CTNNA3: variants seen among roughly 807,000 people sequenced by gnomAD.
CTNNA3 encodes the protein catenin alpha-3.
Under a neutral mutation model 95.7 loss-of-function variants are expected in CTNNA3, and 76 were observed. That is an observed-to-expected ratio of 0.79 (90% CI 0.66 to 0.96). The LOEUF (loss-of-function observed/expected upper bound fraction) is 0.96, where lower values mean the gene tolerates loss of function less well. Among genes scored for constraint, CTNNA3 ranks in the 40% least tolerant of loss-of-function variants. CTNNA3 has a pLI of 0.00. For synonymous variants in CTNNA3, 431 were observed against 374.4 expected (o/e 1.15, Z -1.74); for missense variants, 1,191 against 1,089.8 (o/e 1.09, Z -1.31).
chr10:67,558,412 A>G (rs1841335581), intron 3 of CTNNA3, among the ~76,000 whole-genome samples: 1 of 152,198 alleles, frequency 6.6e-6, no homozygotes, highest in African/African-American at 2.4e-5. Flanking sequence ...TTTAATATCA[A>G]TTCTATTCTT....
chr10:67,387,930 C>T lies in CTNNA3; in HGVS notation c.579+133912G>A, dbSNP rs534388940. On this transcript the variant is annotated intron_variant, in intron 5 of 17. Coordinates refer to ENST00000433211, the MANE Select transcript of CTNNA3 (RefSeq NM_013266.4). ...TCTGTACATCACCATCATCAAAGAC[C>T]AAAAGTAGATAAAACCACAAAGATG... Among the ~76,000 whole-genome samples, 55 of 152,088 alleles carry T rather than the reference C, an allele frequency of 3.6e-4. No individual in the cohort carries two copies. In the East Asian group the frequency reaches 0.01, roughly 28 times the overall value.
chr10:66,848,790 T>A (rs1372881336), intron 7 of CTNNA3, among the ~76,000 whole-genome samples: 1 of 152,164 alleles, frequency 6.6e-6, no homozygotes, highest in Non-Finnish European at 1.5e-5. Context: ...TCGTGTGTCC[T>A]TGAGGAGTAT....
chr10:67,196,998 T>A (rs1863402776), intron 6 of CTNNA3, among the ~76,000 whole-genome samples: 1 of 152,152 alleles, frequency 6.6e-6, no homozygotes, highest in Non-Finnish European at 1.5e-5. Flanking sequence ...ACTTATTCTG[T>A]CTACATTGAA....
At chr10:66,967,680 A>T (rs1849510806) in intron 7 of CTNNA3, among the ~76,000 whole-genome samples, 1 of 152,126 alleles carries the variant, frequency 6.6e-6, no homozygotes, top group East Asian at 1.9e-4. Context: ...AAGAATTTTT[A>T]AAAATGAACG....
intron 9 of CTNNA3, among the ~76,000 whole-genome samples, chr10:66,647,901 T>A (rs1366591020): frequency 6.6e-6 from 1 of 152,122 alleles, no homozygotes; most frequent in Non-Finnish European, 1.5e-5. Context: ...AGTGCTGGAA[T>A]GATAATGAGC....
chr10:65,926,070 A>T (rs2077164672), intron 17 of CTNNA3, among the ~76,000 whole-genome samples: 1 of 150,000 alleles, frequency 6.7e-6, no homozygotes, highest in African/African-American at 2.4e-5. Context: ...TAAATATATA[A>T]TAGATTACAT....
At chr10:65,942,197 T>C (rs777979783) in intron 17 of CTNNA3, among the ~76,000 whole-genome samples, 10 of 152,328 alleles carry the variant, frequency 6.6e-5, no homozygotes, top group Non-Finnish European at 1.5e-4. Flanking sequence ...TCTCTTGTGA[T>C]GTGGGGAGCA....
intron 1 of CTNNA3, among the ~76,000 whole-genome samples, chr10:67,708,408 G>A (rs1841089767): frequency 6.6e-6 from 1 of 151,958 alleles, no homozygotes. Flanking sequence ...ATCTTGTATT[G>A]ATGGTTCTAA....
intron 5 of CTNNA3, among the ~76,000 whole-genome samples, chr10:67,453,549 T>A (rs755122452): frequency 1.2e-4 from 18 of 152,226 alleles, no homozygotes; most frequent in South Asian, 2.1e-4. Context: ...TGCAAGGTAT[T>A]TCCAGCATGG....
intron 11 of CTNNA3, among the ~76,000 whole-genome samples, chr10:66,461,814 A>ATTTTT (rs35888450): frequency 1.4e-5 from 2 of 140,166 alleles, no homozygotes; most frequent in Admixed American, 7.1e-5. Context: ...TATATCTCCA[A>ATTTTT]TTTTTTTTTT....
chr10:66,658,721 T>C lies in CTNNA3; in HGVS notation c.1282-36937A>G, dbSNP rs144112108. On this transcript the variant is annotated intron_variant, in intron 9 of 17. Coordinates refer to ENST00000433211, the MANE Select transcript of CTNNA3 (RefSeq NM_013266.4). ...TCTAAAATATTTTTTGGAGACAGGGTCTCACTCTGTTGCCCAGGTTGGAGT... is the reference window on the plus strand; with the variant it reads ...TCTAAAATATTTTTTGGAGACAGGGCCTCACTCTGTTGCCCAGGTTGGAGT... Among the ~76,000 whole-genome samples the C allele has an allele frequency of 1.6e-3, 247 of 152,252 alleles. 2 individuals carry two copies. Among genetic ancestry groups the C allele is most frequent in the African/African-American group, 5.6e-3 (232 of 41,528 alleles).
chr10:66,123,385 G>A (rs749263278), intron 13 of CTNNA3, among the ~76,000 whole-genome samples: 3 of 152,126 alleles, frequency 2.0e-5, no homozygotes, highest in Non-Finnish European at 4.4e-5. Flanking sequence ...CCATGGTCTT[G>A]GGCAGCTCCG....
At chr10:67,184,949 T>C (rs1862761932) in intron 6 of CTNNA3, among the ~76,000 whole-genome samples, 1 of 152,100 alleles carries the variant, frequency 6.6e-6, no homozygotes, top group Non-Finnish European at 1.5e-5. Flanking sequence ...GTGGAAAAAA[T>C]GTTGAAATCC....
intron 9 of CTNNA3, among the ~76,000 whole-genome samples, chr10:66,655,793 T>C (rs2394271): frequency 0.66 from 99,903 of 151,714 alleles, 33,763 homozygotes; most frequent in East Asian, 0.95. Flanking sequence ...AGCATTGAAG[T>C]CTCAAAACTC....
chr10:67,191,917 TA>T (rs1281709944), intron 6 of CTNNA3, among the ~76,000 whole-genome samples: 1 of 151,848 alleles, frequency 6.6e-6, no homozygotes, highest in East Asian at 1.9e-4. Flanking sequence ...TGAATAGAAT[TA>T]AGAGCCCAGG....
At chr10:67,729,247 G>T (rs1221770055) in intron 1 of CTNNA3, among the ~76,000 whole-genome samples, 1 of 152,022 alleles carries the variant, frequency 6.6e-6, no homozygotes, top group African/African-American at 2.4e-5. Flanking sequence ...GTTCATAGGA[G>T]AATCTCCAAC....
intron 13 of CTNNA3, among the ~76,000 whole-genome samples, chr10:66,190,100 TAA>T (rs1168352650): frequency 2.6e-5 from 4 of 152,116 alleles, no homozygotes; most frequent in African/African-American, 9.7e-5. Flanking sequence ...AAGATAAATT[TAA>T]AAAGACACAC....
chr10:66,564,245 G>A (rs2132143067), intron 10 of CTNNA3, among the ~76,000 whole-genome samples: 1 of 152,274 alleles, frequency 6.6e-6, no homozygotes, highest in East Asian at 1.9e-4. Flanking sequence ...CTGAAAAGCA[G>A]AGTTAAATAA....
chr10:66,034,405 A>G (rs1380145681), intron 15 of CTNNA3, among the ~76,000 whole-genome samples: 3 of 152,156 alleles, frequency 2.0e-5, no homozygotes, highest in Non-Finnish European at 4.4e-5. Context: ...AAACAAGGAA[A>G]AATTTGCTGT....
Sources: gnomAD v4.1 joint callset for allele counts (sites outside exome capture counted in the v4.1 genomes callset) on GRCh38, gnomAD v4.1.1 for gene constraint, MANE v1.5 for transcripts, NCBI Gene and HGNC (gene_info 2026-07-23, HGNC 2026-07-21) for gene names.